TGFB1: variants seen among roughly 807,000 people sequenced by gnomAD.
TGFB1 encodes transforming growth factor beta-1 proprotein.
Under a neutral mutation model 43.8 loss-of-function variants are expected in TGFB1, and 19 were observed. That is an observed-to-expected ratio of 0.43 (90% confidence interval 0.30 to 0.64). The LOEUF is 0.64. Among genes scored for constraint, TGFB1 ranks in the 30% least tolerant of loss-of-function variants. The pLI, the probability that TGFB1 is intolerant of heterozygous loss-of-function variation, is 0.11. For missense variants in TGFB1, 445 were observed against 529.8 expected (o/e 0.84, Z 1.57); for synonymous variants, 221 against 236.3 (o/e 0.94, Z 0.60).
Position 41,330,338 on chromosome 19 carries a change from C to T in TGFB1, c.*714G>A, listed in dbSNP as rs926119632. ...TCAGGGCTCACTGCAGCCTTGACCTCCCAGGATCAAGTGATCCTCCCACCT... is the reference window on the plus strand; with the variant it reads ...TCAGGGCTCACTGCAGCCTTGACCTTCCAGGATCAAGTGATCCTCCCACCT... On this transcript the variant is annotated 3_prime_UTR_variant, in exon 7 of 7. Coordinates refer to ENST00000221930, the MANE Select transcript of TGFB1 (RefSeq NM_000660.7). The T allele has an allele frequency of 2.0e-5, 3 of 152,112 alleles. No homozygotes were observed. Among genetic ancestry groups the T allele is most frequent in the African/African-American group, 7.2e-5 (3 of 41,416 alleles). The allele number at this position is 152,112 out of a possible 1,614,324, so 9.4% of individuals were successfully genotyped here. A position where few individuals can be genotyped will look rare whatever the true frequency, so the allele number is the denominator to read the frequency against.
At chr19:41,344,718 C>T (rs199637461) in intron 3 of TGFB1, 29 bp downstream of exon 3, 1 of 1,602,394 alleles carries the variant, frequency 6.2e-7, no homozygotes, top group South Asian at 1.1e-5. Flanking sequence ...CAGGGAGAAA[C>T]AGGGGTGGGA....
chr19:41,332,783 C>A (rs754607524), intron 5 of TGFB1, among the ~76,000 whole-genome samples: 1 of 152,174 alleles, frequency 6.6e-6, no homozygotes, highest in Non-Finnish European at 1.5e-5. Flanking sequence ...GTGGGAGGAT[C>A]GCTGGAGTCG....
intron 1 of TGFB1, among the ~76,000 whole-genome samples, chr19:41,352,075 T>G (rs1264978364): frequency 6.6e-6 from 1 of 151,764 alleles, no homozygotes; most frequent in African/African-American, 2.4e-5. Flanking sequence ...TCCCCACATT[T>G]ATCACACGCA....
intron 3 of TGFB1, among the ~76,000 whole-genome samples, chr19:41,342,788 T>A (rs2038073568): frequency 6.6e-6 from 1 of 152,176 alleles, no homozygotes; most frequent in Admixed American, 6.5e-5. Context: ...AGTGCTGGGA[T>A]TACAGGCTTG....
Position 41,348,329 on chromosome 19 carries a change from TTGA to T in TGFB1, c.479_481del (p.Leu160_Lys161delinsGln). 1 of 1,613,506 alleles carries T rather than the reference TTGA, an allele frequency of 6.2e-7. No individual in the cohort carries two copies. The highest frequency in any genetic ancestry group is 8.5e-7 in the Non-Finnish European group (1 of 1,179,768). ...CTCCACGTGCTGCTCCACTTTTAAC[TTGA>T]GCCTCAGCAGACGCAGCTCTGCCCG... On this transcript the variant is annotated inframe_deletion, in exon 2 of 7. Coordinates refer to ENST00000221930, the MANE Select transcript of TGFB1 (RefSeq NM_000660.7).
intron 3 of TGFB1, among the ~76,000 whole-genome samples, chr19:41,344,476 C>G (rs1389664676): frequency 6.6e-6 from 1 of 152,158 alleles, no homozygotes; most frequent in African/African-American, 2.4e-5. Flanking sequence ...GCTACCTAGC[C>G]AATGGACTAT....
Position 41,353,135 on chromosome 19 carries a change from C to G in TGFB1, c.-91G>C, listed in dbSNP as rs199968369. On this transcript the variant is annotated 5_prime_UTR_variant, in exon 1 of 7. Coordinates refer to ENST00000221930, the MANE Select transcript of TGFB1 (RefSeq NM_000660.7). This position sits in a 1 kb window ranked among gnomAD's most constrained non-coding sequence, Gnocchi z 5.9. ...GCCCCTGCAGGGGCTGGGGGTCTCC[C>G]GGCAAAAGGTAGGAGGGCCTCGAGG... 2 of 1,405,914 alleles carry G rather than the reference C, an allele frequency of 1.4e-6. No homozygotes were observed. Among genetic ancestry groups the G allele is most frequent in the Non-Finnish European group, 1.8e-6 (2 of 1,082,988 alleles). The allele number at this position is 1,405,914 out of a possible 1,614,324, so 87.1% of individuals were successfully genotyped here. A position where few individuals can be genotyped will look rare whatever the true frequency, so the allele number is the denominator to read the frequency against.
In TGFB1 at chr19:41,348,575, TTTTATTTA is replaced by T. The variant is rs59416536; in HGVS notation, c.356-128_356-121del. On this transcript the variant is annotated intron_variant, in intron 1 of 6. Coordinates refer to ENST00000221930, the MANE Select transcript of TGFB1 (RefSeq NM_000660.7). ...TGGGGTGGAGTCAGTCTCTGATACC[TTTTATTTA>T]TTTATTTATTTATTTATTTATTTAT... The T allele has an allele frequency of 3.8e-3, 1,087 of 286,254 alleles. 7 individuals carry two copies. Among genetic ancestry groups the T allele is most frequent in the African/African-American group, 0.022 (875 of 40,138 alleles). The allele number at this position is 286,254 out of a possible 1,614,324, so 17.7% of individuals were successfully genotyped here. A position where few individuals can be genotyped will look rare whatever the true frequency, so the allele number is the denominator to read the frequency against.
At chr19:41,350,042 A>C (rs938530149) in intron 1 of TGFB1, among the ~76,000 whole-genome samples, 3 of 151,574 alleles carry the variant, frequency 2.0e-5, no homozygotes, top group Non-Finnish European at 4.4e-5. Flanking sequence ...GTGCAGTAGC[A>C]CAACCATGGC....
chr19:41,331,492 T>G (rs1353419696), intron 6 of TGFB1, among the ~76,000 whole-genome samples: 1 of 144,186 alleles, frequency 6.9e-6, no homozygotes, highest in Non-Finnish European at 1.5e-5. Flanking sequence ...AGCCTCAACC[T>G]CCTGAGCGCA....
chr19:41,341,171 G>A (rs1196799244), intron 5 of TGFB1, among the ~76,000 whole-genome samples: 4 of 150,722 alleles, frequency 2.7e-5, no homozygotes, highest in Non-Finnish European at 5.9e-5. Flanking sequence ...CTCTACTAAA[G>A]ATACAAAAAA....
At chr19:41,335,205 AC>A (rs2123085662) in intron 5 of TGFB1, among the ~76,000 whole-genome samples, 2 of 152,020 alleles carry the variant, frequency 1.3e-5, no homozygotes, top group East Asian at 3.9e-4. Context: ...GGCATGTGCC[AC>A]CATGCCTGGC....
At chr19:41,347,212 G>A (rs1335818830) in intron 2 of TGFB1, among the ~76,000 whole-genome samples, 1 of 151,962 alleles carries the variant, frequency 6.6e-6, no homozygotes, top group East Asian at 1.9e-4. Context: ...TTGTAGAGAC[G>A]AAGTTTCAAC....
At chr19:41,331,473 G>C (rs114076245) in intron 6 of TGFB1, among the ~76,000 whole-genome samples, 1,845 of 151,874 alleles carry the variant, frequency 0.012, 46 homozygotes, top group African/African-American at 0.042. Context: ...CACGATCATG[G>C]CTCGCTGCAG....
chr19:41,340,262 T>C (rs2038040420), intron 5 of TGFB1, among the ~76,000 whole-genome samples: 1 of 148,582 alleles, frequency 6.7e-6, no homozygotes, highest in East Asian at 2.0e-4. Context: ...TTTTTTTTTT[T>C]TTTTTTTTTT....
At chr19:41,344,614 C>T in intron 3 of TGFB1, 133 bp downstream of exon 3, 2 of 799,916 alleles carry the variant, frequency 2.5e-6, no homozygotes, top group Non-Finnish European at 4.3e-6. Context: ...TTCCATGCCA[C>T]AGAGGGGAGC....
At chr19:41,344,463 C>T (rs953682250) in intron 3 of TGFB1, among the ~76,000 whole-genome samples, 3 of 152,170 alleles carry the variant, frequency 2.0e-5, no homozygotes, top group African/African-American at 4.8e-5. Context: ...GGTCTGTTCC[C>T]CAGCTACCTA....
At chr19:41,350,693 C>T (rs1466702010) in intron 1 of TGFB1, among the ~76,000 whole-genome samples, 2 of 152,188 alleles carry the variant, frequency 1.3e-5, no homozygotes, top group Non-Finnish European at 2.9e-5. Context: ...GCAACTGCTT[C>T]CAGCCTCCCA....
intron 3 of TGFB1, among the ~76,000 whole-genome samples, chr19:41,342,931 G>A (rs773300144): frequency 6.7e-6 from 1 of 149,332 alleles, no homozygotes; most frequent in African/African-American, 2.5e-5. Flanking sequence ...ACAGGCATGA[G>A]CCACTGCACC....
Sources: gnomAD v4.1 joint callset for allele counts (sites outside exome capture counted in the v4.1 genomes callset) on GRCh38, gnomAD v4.1.1 for gene constraint, Gnocchi (gnomAD v3.1) non-coding constraint, MANE v1.5 for transcripts, NCBI Gene and HGNC (gene_info 2026-07-23, HGNC 2026-07-21) for gene names.